The following MACROD2 variants were observed in gnomAD, a reference collection of about 807,000 sequenced individuals.
The protein encoded by MACROD2 is ADP-ribose glycohydrolase MACROD2.
In MACROD2, 36 loss-of-function variants were observed where a neutral mutation model predicts 70.4. The ratio of observed to expected loss-of-function variants is 0.51; its 90% CI spans 0.39 to 0.68. The LOEUF is 0.68. MACROD2 is among the 30% of genes least tolerant of loss of function. The probability of loss-of-function intolerance (pLI) is 0.00; values close to 1 mark genes in which losing one functional copy is unlikely to be tolerated. For synonymous variants in MACROD2, 172 were observed against 178.8 expected (o/e 0.96, Z 0.30); for missense variants, 496 against 538.4 (o/e 0.92, Z 0.78).
intron 5 of MACROD2, among the ~76,000 whole-genome samples, chr20:15,129,535 G>A (rs1435603144): frequency 3.3e-5 from 5 of 152,048 alleles, no homozygotes; most frequent in African/African-American, 1.2e-4. Context: ...CTGAAGAATA[G>A]ACTACTTAAA....
At chr20:15,181,945 CT>C (rs1285052973) in intron 5 of MACROD2, among the ~76,000 whole-genome samples, 1 of 151,688 alleles carries the variant, frequency 6.6e-6, no homozygotes, top group East Asian at 1.9e-4. Context: ...AGAAAGTTTC[CT>C]TTTGTTGAGA....
chr20:14,411,369 C>G (rs1381329095), intron 3 of MACROD2, among the ~76,000 whole-genome samples: 1 of 152,028 alleles, frequency 6.6e-6, no homozygotes, highest in East Asian at 1.9e-4. Flanking sequence ...AATTCCTGCT[C>G]CCAGCTGAAT....
At position 15,983,070 on chromosome 20, in the gene MACROD2, T is replaced by C. The variant is rs529514547; in HGVS notation, c.986-3657T>C. Reference sequence around the variant, plus strand: ...GCCTCAGGGCTGGGGCCAACATGAGTTTTTCTTTTTAACTCATGAAAAGCT... The same window carrying C: ...GCCTCAGGGCTGGGGCCAACATGAGCTTTTCTTTTTAACTCATGAAAAGCT... On this transcript the variant is annotated intron_variant, in intron 13 of 17. Transcript: ENST00000684519. Among the ~76,000 whole-genome samples the C allele has an allele frequency of 2.8e-3, 421 of 152,262 alleles. 3 individuals carry two copies. The highest frequency in any genetic ancestry group is 6.1e-3 in the Admixed American group (94 of 15,300).
At chr20:15,523,141 A>G (rs1231830936) in intron 8 of MACROD2, among the ~76,000 whole-genome samples, 1 of 152,196 alleles carries the variant, frequency 6.6e-6, no homozygotes, top group Non-Finnish European at 1.5e-5. Flanking sequence ...CGAAGCCTTA[A>G]GCACCCTTTA....
At chr20:15,748,507 CT>C (rs1422656532) in intron 8 of MACROD2, among the ~76,000 whole-genome samples, 38 of 151,894 alleles carry the variant, frequency 2.5e-4, no homozygotes, top group Non-Finnish European at 4.3e-4. Flanking sequence ...TTAGTTCAGC[CT>C]TCTTTCAAAA....
chr20:15,080,236 T>C (rs1027870342), intron 5 of MACROD2, among the ~76,000 whole-genome samples: 4 of 152,280 alleles, frequency 2.6e-5, no homozygotes, highest in Admixed American at 6.5e-5. Context: ...AGACATGTCT[T>C]TGTGATCTCT....
intron 6 of MACROD2, among the ~76,000 whole-genome samples, chr20:15,313,506 CAAA>C (rs11314563): frequency 5.8e-5 from 5 of 86,218 alleles, no homozygotes; most frequent in African/African-American, 1.7e-4. Context: ...GACTCCGTCT[CAAA>C]AAAAAAAAAA....
intron 8 of MACROD2, among the ~76,000 whole-genome samples, chr20:15,857,271 T>C (rs2064367546): frequency 1.3e-5 from 2 of 152,046 alleles, no homozygotes; most frequent in Admixed American, 6.5e-5. Context: ...GGGCCAGAAG[T>C]ATGTCAGCAG....
At chr20:14,453,395 G>C (rs965315025) in intron 3 of MACROD2, among the ~76,000 whole-genome samples, 1 of 152,008 alleles carries the variant, frequency 6.6e-6, no homozygotes, top group Non-Finnish European at 1.5e-5. Context: ...GTGTTGCTTT[G>C]GAGTGCTTTT....
chr20:14,603,984 G>A (rs916322159), intron 4 of MACROD2, among the ~76,000 whole-genome samples: 1 of 152,026 alleles, frequency 6.6e-6, no homozygotes, highest in African/African-American at 2.4e-5. Flanking sequence ...TTCCAATCTC[G>A]CTTCCCTCAG....
intron 3 of MACROD2, among the ~76,000 whole-genome samples, chr20:14,237,628 G>A (rs1484460144): frequency 6.6e-6 from 1 of 151,438 alleles, no homozygotes; most frequent in East Asian, 1.9e-4. Flanking sequence ...TGCCATGCTG[G>A]TGTGCTGCAC....
intron 3 of MACROD2, among the ~76,000 whole-genome samples, chr20:14,445,817 G>A (rs1171326115): frequency 6.6e-6 from 1 of 152,082 alleles, no homozygotes; most frequent in Admixed American, 6.6e-5. Flanking sequence ...AATTTCAGTG[G>A]CTTTACACAA....
chr20:15,987,265 G>T, intron 15 of MACROD2, 107 bp downstream of exon 15: 1 of 896,272 alleles, frequency 1.1e-6, no homozygotes. Flanking sequence ...TTTGTAAAGG[G>T]GGAAAACGAA....
intron 8 of MACROD2, among the ~76,000 whole-genome samples, chr20:15,510,568 G>A (rs2047485706): frequency 6.6e-6 from 1 of 152,192 alleles, no homozygotes; most frequent in Non-Finnish European, 1.5e-5. Context: ...TGTGACCAGA[G>A]CTGAACCATC....
intron 8 of MACROD2, among the ~76,000 whole-genome samples, chr20:15,843,579 G>C (rs559448853): frequency 1.2e-4 from 18 of 152,206 alleles, no homozygotes; most frequent in African/African-American, 3.4e-4. Flanking sequence ...GCTGCAAATC[G>C]ATTAACTTCA....
At chr20:14,910,839 C>T (rs2074018034) in intron 5 of MACROD2, among the ~76,000 whole-genome samples, 1 of 152,116 alleles carries the variant, frequency 6.6e-6, no homozygotes, top group Non-Finnish European at 1.5e-5. Flanking sequence ...TGGTATGTCA[C>T]TTGATATTGA....
intron 5 of MACROD2, chr20:15,022,899 A>G (rs2075199856): frequency 6.6e-6 from 1 of 152,216 alleles, no homozygotes; most frequent in South Asian, 2.1e-4. Context: ...GATACAGAGA[A>G]TATTAGCATG....
At chr20:15,417,143 T>C (rs2046163461) in intron 6 of MACROD2, among the ~76,000 whole-genome samples, 2 of 152,106 alleles carry the variant, frequency 1.3e-5, no homozygotes, top group Non-Finnish European at 2.9e-5. Flanking sequence ...TCTGTGACAT[T>C]AGTAAACACA....
chr20:14,347,291 C>G (rs1030151639), intron 3 of MACROD2, among the ~76,000 whole-genome samples: 1 of 152,108 alleles, frequency 6.6e-6, no homozygotes, highest in African/African-American at 2.4e-5. Flanking sequence ...TAGGAACATT[C>G]ATAATGCACA....
Sources: allele counts gnomAD v4.1 joint callset (sites outside exome capture counted in the v4.1 genomes callset), GRCh38; gene constraint gnomAD v4.1.1; transcripts MANE v1.5; gene names NCBI Gene and HGNC (gene_info 2026-07-23, HGNC 2026-07-21).